The following COL21A1 variants were observed in gnomAD, a reference collection of about 807,000 sequenced individuals.
The protein encoded by COL21A1 is collagen alpha-1(XXI) chain.
A neutral mutation model predicts 137.9 loss-of-function variants in COL21A1; 149 were observed. That is an observed-to-expected ratio of 1.08 (90% confidence interval 0.95 to 1.24). The LOEUF (loss-of-function observed/expected upper bound fraction) is 1.24, where lower values mean the gene tolerates loss of function less well. Among genes scored for constraint, COL21A1 ranks in the 50% most tolerant of loss-of-function variants. The pLI is 0.00. For missense variants in COL21A1, 1,167 were observed against 1,158.4 expected (o/e 1.01, Z -0.11); for synonymous variants, 456 against 391.5 (o/e 1.16, Z -1.95).
intron 1 of COL21A1, among the ~76,000 whole-genome samples, chr6:56,371,030 T>C (rs2093987479): frequency 6.6e-6 from 1 of 152,234 alleles, no homozygotes; most frequent in Non-Finnish European, 1.5e-5. Context: ...CTGCTTTCCC[T>C]TCCTCTAGGA....
chr6:56,339,665 A>G (rs1372207080), intron 1 of COL21A1, among the ~76,000 whole-genome samples: 3 of 152,248 alleles, frequency 2.0e-5, no homozygotes, highest in African/African-American at 7.2e-5. Context: ...TTTATAGTAG[A>G]TTTCCAGACA....
At chr6:56,203,431 T>A (rs560374669) in intron 1 of COL21A1, among the ~76,000 whole-genome samples, 3 of 152,288 alleles carry the variant, frequency 2.0e-5, no homozygotes, top group Non-Finnish European at 4.4e-5. Flanking sequence ...AAATCATCAG[T>A]AAGTAACTCT....
chr6:56,231,354 C>A (rs1161958258), intron 1 of COL21A1, among the ~76,000 whole-genome samples: 1 of 151,852 alleles, frequency 6.6e-6, no homozygotes, highest in Non-Finnish European at 1.5e-5. Flanking sequence ...TCGGTAACAG[C>A]AACTTTTTTA....
chr6:56,341,884 C>T (rs2152345337), intron 1 of COL21A1, among the ~76,000 whole-genome samples: 1 of 152,140 alleles, frequency 6.6e-6, no homozygotes, highest in African/African-American at 2.4e-5. Context: ...TGTTAAACTG[C>T]TCTCAAAGGT....
chr6:56,234,554 A>C (rs1440593520), intron 1 of COL21A1, among the ~76,000 whole-genome samples: 1 of 151,856 alleles, frequency 6.6e-6, no homozygotes, highest in East Asian at 1.9e-4. Flanking sequence ...ACACTGCTTC[A>C]TAATCAATAC....
At chr6:56,200,718 C>T (rs1779332368) in intron 1 of COL21A1, among the ~76,000 whole-genome samples, 1 of 151,932 alleles carries the variant, frequency 6.6e-6, no homozygotes, top group African/African-American at 2.4e-5. Context: ...GGACATATGG[C>T]TTGGTTCCAA....
chr6:56,351,113 C>A (rs1352706142), intron 1 of COL21A1, among the ~76,000 whole-genome samples: 2 of 152,244 alleles, frequency 1.3e-5, no homozygotes, highest in Non-Finnish European at 2.9e-5. Context: ...AACAACCTAG[C>A]AAGGACTCTA....
chr6:56,324,000 T>C (rs766267018), intron 1 of COL21A1, among the ~76,000 whole-genome samples: 27 of 152,122 alleles, frequency 1.8e-4, no homozygotes, highest in Non-Finnish European at 2.5e-4. Context: ...TTTTATGGGA[T>C]ATTATAAAGG....
chr6:56,326,579 G>A (rs1765096517), intron 1 of COL21A1, among the ~76,000 whole-genome samples: 2 of 152,008 alleles, frequency 1.3e-5, no homozygotes, highest in Non-Finnish European at 2.9e-5. Context: ...TCACACTAAT[G>A]TGAGATAGCA....
chr6:56,175,225 A>G lies in COL21A1; in HGVS notation c.641-4097T>C, dbSNP rs145418245. On this transcript the variant is annotated intron_variant, in intron 3 of 29. Transcript: ENST00000244728. The stretch of plus-strand genomic sequence containing the variant: ...AAATGTTAAAAGCTTTTCCTCTAAG[A>G]TGAGGAACAAGACAAAGATACCTAA... Among the ~76,000 whole-genome samples, 695 of 152,240 alleles carry G rather than the reference A, an allele frequency of 4.6e-3. 10 individuals are homozygous for G. Among genetic ancestry groups the G allele is most frequent in the African/African-American group, 0.016 (667 of 41,574 alleles).
At chr6:56,282,567 G>GA (rs1387029088) in intron 1 of COL21A1, among the ~76,000 whole-genome samples, 1 of 152,158 alleles carries the variant, frequency 6.6e-6, no homozygotes, top group Non-Finnish European at 1.5e-5. Flanking sequence ...TTTACCATGG[G>GA]AAAGCTCCTC....
intron 1 of COL21A1, among the ~76,000 whole-genome samples, chr6:56,257,715 A>C (rs1402913689): frequency 6.6e-6 from 1 of 152,198 alleles, no homozygotes; most frequent in Non-Finnish European, 1.5e-5. Context: ...ATTCCAATAA[A>C]ACTTTATTAA....
At chr6:56,312,486 C>T (rs1473088123) in intron 1 of COL21A1, among the ~76,000 whole-genome samples, 1 of 152,122 alleles carries the variant, frequency 6.6e-6, no homozygotes, top group Non-Finnish European at 1.5e-5. Context: ...TGAGTAGGAA[C>T]ATTCAGTAAA....
At chr6:56,327,990 G>A (rs912003358) in intron 1 of COL21A1, among the ~76,000 whole-genome samples, 2 of 152,000 alleles carry the variant, frequency 1.3e-5, no homozygotes, top group East Asian at 3.9e-4. Flanking sequence ...TAGCTATTTC[G>A]TGGATATAAG....
At chr6:56,288,088 A>G (rs1281808844) in intron 1 of COL21A1, among the ~76,000 whole-genome samples, 1 of 152,186 alleles carries the variant, frequency 6.6e-6, no homozygotes, top group African/African-American at 2.4e-5. Flanking sequence ...TTTGTTTTAA[A>G]CCACTAAATG....
intron 1 of COL21A1, among the ~76,000 whole-genome samples, chr6:56,323,947 A>G (rs1764937847): frequency 6.6e-6 from 1 of 152,106 alleles, no homozygotes; most frequent in South Asian, 2.1e-4. Flanking sequence ...GGTCAAGCAA[A>G]GATTCTTGGT....
chr6:56,235,825 C>CAA (rs201376616), intron 1 of COL21A1, among the ~76,000 whole-genome samples: 9 of 145,750 alleles, frequency 6.2e-5, no homozygotes, highest in African/African-American at 2.3e-4. Flanking sequence ...AGACTTTGGA[C>CAA]AAAAAAAAAA....
In COL21A1 at chr6:56,243,302, T is replaced by C. The variant is rs760325898; in HGVS notation, c.-39+4085A>G. 2.4e-4 allele frequency among the ~76,000 whole-genome samples: 36 copies of C among 152,156 alleles called. 1 individual carries two copies. Among genetic ancestry groups the C allele is most frequent in the Non-Finnish European group, 4.4e-4 (30 of 68,016 alleles). On this transcript the variant is annotated intron_variant, in intron 1 of 29. Transcript: ENST00000244728. Reference sequence around the variant, plus strand: ...ATGTCCAGTCAAGTGGGTTAACCAGTGGGTTAAAGCAGTGATTCCCTAGGT... The same window carrying C: ...ATGTCCAGTCAAGTGGGTTAACCAGCGGGTTAAAGCAGTGATTCCCTAGGT...
At chr6:56,143,688 C>T (rs1320468106) in intron 10 of COL21A1, among the ~76,000 whole-genome samples, 2 of 152,172 alleles carry the variant, frequency 1.3e-5, no homozygotes, top group African/African-American at 4.8e-5. Context: ...CCTCTCCATA[C>T]TCCAGACAAA....
Sources: allele counts gnomAD v4.1 joint callset (sites outside exome capture counted in the v4.1 genomes callset), GRCh38; gene constraint gnomAD v4.1.1; transcripts MANE v1.5; gene names NCBI Gene and HGNC (gene_info 2026-07-23, HGNC 2026-07-21).